ZNF500: variants seen among roughly 807,000 people sequenced by gnomAD.
ZNF500 encodes the protein zinc finger protein with KRAB and SCAN domains 18.
Under a neutral mutation model 30.1 loss-of-function variants are expected in ZNF500, and 31 were observed. That is an observed-to-expected ratio of 1.03 (90% confidence interval 0.77 to 1.39). ZNF500 has a LOEUF of 1.39. Ranked by LOEUF, ZNF500 falls within the 40% of genes most tolerant of loss-of-function variation. The pLI, the probability that ZNF500 is intolerant of heterozygous loss-of-function variation, is 0.00. For synonymous variants in ZNF500, 392 were observed against 282.0 expected, an observed-to-expected ratio of 1.39 and a Z score of -3.91; for missense variants, 817 against 657.8, an observed-to-expected ratio of 1.24 and a Z score of -2.65.
chr16:4,751,057 G>A lies in ZNF500; in HGVS notation c.*1319C>T, dbSNP rs1025623872. On this transcript the variant is annotated 3_prime_UTR_variant, in exon 6 of 6. Transcript: ENST00000219478. ...CAGTGACTAGGTGACAAATGCAATG[G>A]AGCATCCCAGGCTGGGATGAAGGCC... The A allele has an allele frequency of 3.2e-5, 5 of 154,736 alleles. No individual in the cohort carries two copies. The highest frequency in any genetic ancestry group is 1.2e-4 in the African/African-American group (5 of 41,420). The allele number at this position is 154,736 out of a possible 1,614,324, so 9.6% of individuals were successfully genotyped here. A position where few individuals can be genotyped will look rare whatever the true frequency, so the allele number is the denominator to read the frequency against.
rs1191509774 is a variant in ZNF500 at position 4,752,945 on chromosome 16, C to T, written c.874G>A (p.Gly292Ser). ...RCQGPGHPLPGQRPAPVRGLV... is the reference protein window; with the variant it reads ...RCQGPGHPLPSQRPAPVRGLV... ...CCCCTGACTGGGGCTGGCCTCTGAC[C>T]TGGGAGCGGGTGGCCAGGCCCCTGG... The change falls in exon 6 of 6, where the codon GGT (glycine) becomes AGT (serine). Residue 292 changes from glycine to serine, a missense_variant. Transcript: ENST00000219478. 1 of 1,611,596 alleles carries T rather than the reference C, an allele frequency of 6.2e-7. No homozygotes were observed. The highest frequency in any genetic ancestry group is 1.1e-5 in the South Asian group (1 of 91,050).
At chr16:4,753,386 T>C (rs1393263429) in intron 5 of ZNF500, among the ~76,000 whole-genome samples, 1 of 152,136 alleles carries the variant, frequency 6.6e-6, no homozygotes, top group African/African-American at 2.4e-5. Context: ...CACTTGAGTC[T>C]AGGAGGTCAA....
intron 2 of ZNF500, 147 bp downstream of exon 2, chr16:4,765,418 G>A (rs1274435905): frequency 2.6e-6 from 3 of 1,142,602 alleles, no homozygotes; most frequent in Non-Finnish European, 3.7e-6. Flanking sequence ...AGCCAAGGCT[G>A]AGAAATCTTT....
chr16:4,751,217 C>G lies in ZNF500; in HGVS notation c.*1159G>C, dbSNP rs1160718677. The G allele has an allele frequency of 5.2e-6, 1 of 190,956 alleles. No homozygotes were observed. The highest frequency in any genetic ancestry group is 1.2e-4 in the South Asian group (1 of 8,394). 11.8% of individuals were successfully genotyped at this position (190,956 alleles called of 1,614,324 possible). ...TCTATCACACTGCTTGTCTTGGCCA[C>G]TCACCCACCGTGGATGTGCACAGAC... is the stretch of plus-strand genomic sequence containing the variant. On this transcript the variant is annotated 3_prime_UTR_variant, in exon 6 of 6. Coordinates refer to ENST00000219478, the MANE Select transcript of ZNF500 (RefSeq NM_021646.4).
rs148410073 is a variant in ZNF500 at position 4,763,314 on chromosome 16, G to A, written c.415-558C>T. 539 of 267,636 alleles carry A rather than the reference G, an allele frequency of 2.0e-3. 2 individuals carry two copies. Among genetic ancestry groups the A allele is most frequent in the African/African-American group, 0.011 (462 of 43,316 alleles). The allele number at this position is 267,636 out of a possible 1,614,324, so 16.6% of individuals were successfully genotyped here. A position where few individuals can be genotyped will look rare whatever the true frequency, so the allele number is the denominator to read the frequency against. On this transcript the variant is annotated intron_variant, in intron 2 of 5. Coordinates refer to ENST00000219478, the MANE Select transcript of ZNF500 (RefSeq NM_021646.4). ...CTTGGGAGGCTGAGGCAGGAGAATC[G>A]CTTGAACTCGGGAAGTACAGGTTGC...
At chr16:4,760,673 G>A (rs1379947061) in intron 4 of ZNF500, 85 bp from the exon 5 acceptor site, 3 of 1,228,928 alleles carry the variant, frequency 2.4e-6, no homozygotes, top group Non-Finnish European at 3.5e-6. Context: ...GAGCTGCACC[G>A]CCACTGCCCC....
chr16:4,766,012 T>C lies in ZNF500; in HGVS notation c.-34A>G, dbSNP rs772313789. The C allele has an allele frequency of 1.6e-5, 24 of 1,517,800 alleles. No homozygotes were observed. The Admixed American group carries it at 3.1e-4, about 20-fold the overall frequency. The allele number at this position is 1,517,800 out of a possible 1,614,324, so 94.0% of individuals were successfully genotyped here. On this transcript the variant is annotated 5_prime_UTR_variant, in exon 2 of 6. Coordinates refer to ENST00000219478, the MANE Select transcript of ZNF500 (RefSeq NM_021646.4). ...GTGGGCCTTGTTCCTTTTCAGGCCT[T>C]AGAGTTGAACCTGTCTCTCTCTATA... is the stretch of plus-strand genomic sequence containing the variant.
downstream of ZNF500, chr16:4,747,490 G>A: frequency 6.2e-7 from 1 of 1,613,278 alleles, no homozygotes. Flanking sequence ...CTGGGAGGAA[G>A]CAACACATGA....
intron 2 of ZNF500, chr16:4,763,627 C>A: frequency 1.0e-6 from 1 of 985,382 alleles, no homozygotes; most frequent in Non-Finnish European, 1.2e-6. Context: ...GGAGCGTAGT[C>A]CCCTTGGGGA....
intron 5 of ZNF500, among the ~76,000 whole-genome samples, chr16:4,753,657 C>T (rs1419093777): frequency 6.6e-6 from 1 of 152,216 alleles, no homozygotes; most frequent in Non-Finnish European, 1.5e-5. Context: ...TCTGCTGTAT[C>T]CTCTAAGCCA....
downstream of ZNF500, chr16:4,746,487 C>G (rs753256219): frequency 1.2e-6 from 2 of 1,613,712 alleles, no homozygotes; most frequent in Non-Finnish European, 1.7e-6. Flanking sequence ...GCAGATGGAG[C>G]TACCAGACCA....
chr16:4,764,127 G>C (rs958294610), intron 2 of ZNF500: 274 of 982,976 alleles, frequency 2.8e-4, no homozygotes, highest in Non-Finnish European at 3.2e-4. Context: ...AGATTTCGGT[G>C]TGTCAGAAGG....
Position 4,765,611 on chromosome 16 carries a change from A to C in ZNF500, c.368T>G (p.Val123Gly), listed in dbSNP as rs2082256007. The C allele has an allele frequency of 5.6e-6, 9 of 1,612,372 alleles. No individual in the cohort carries two copies. Among genetic ancestry groups the C allele is most frequent in the Non-Finnish European group, 7.6e-6 (9 of 1,179,188 alleles). The change falls in exon 2 of 6, where the codon GTC (valine) becomes GGC (glycine). Residue 123 changes from valine to glycine, a missense_variant. Transcript: ENST00000219478. ...CTTCCGCTGCAGCCCTTCCACAAGG[A>C]CCACGGCCTCCTCACCGCTCTCCGG... is the stretch of plus-strand genomic sequence containing the variant. ...QQPESGEEAV[V>G]LVEGLQRKPR...
rs536090338 is a variant in ZNF500 at position 4,765,986 on chromosome 16, G to T, written c.-8C>A. ...GCCAGGGACAGTGGCCATTGCTTCC[G>T]GTGGGCCTTGTTCCTTTTCAGGCCT... On this transcript the variant is annotated 5_prime_UTR_variant, in exon 2 of 6. Transcript: ENST00000219478. 1.3e-6 allele frequency: 2 copies of T among 1,542,184 alleles called. No homozygotes were observed. The highest frequency in any genetic ancestry group is 1.7e-6 in the Non-Finnish European group (2 of 1,149,540).
At chr16:4,758,978 G>C (rs540297037) in intron 5 of ZNF500, among the ~76,000 whole-genome samples, 1 of 152,318 alleles carries the variant, frequency 6.6e-6, no homozygotes, top group African/African-American at 2.4e-5. Context: ...GGGAGGCTGA[G>C]GCAGGCAGAT....
intron 1 of ZNF500, 146 bp downstream of exon 1, chr16:4,766,871 A>T (rs1400791155): frequency 2.0e-5 from 3 of 152,040 alleles, no homozygotes; most frequent in African/African-American, 4.8e-5. Context: ...GAGAGCTGGG[A>T]CCCCCAGGCC....
At chr16:4,763,823 G>A (rs533772067) in intron 2 of ZNF500, 1 of 985,436 alleles carries the variant, frequency 1.0e-6, no homozygotes, top group African/African-American at 1.7e-5. Context: ...TTTTCTGACT[G>A]CGGTCAGCTC....
At chr16:4,766,927 C>G (rs2082270145) in intron 1 of ZNF500, 90 bp downstream of exon 1, 1 of 152,274 alleles carries the variant, frequency 6.6e-6, no homozygotes, top group South Asian at 2.1e-4. Context: ...TGAGCGGTAC[C>G]CGAGGCCGCG....
At chr16:4,747,928 G>A (rs528384338), downstream of ZNF500, among the ~76,000 whole-genome samples, 2 of 152,234 alleles carry the variant, frequency 1.3e-5, no homozygotes, top group African/African-American at 4.8e-5. Flanking sequence ...TGCTCTCTGC[G>A]GGACTCTGAG....
Sources: gnomAD v4.1 joint callset for allele counts (sites outside exome capture counted in the v4.1 genomes callset) on GRCh38, gnomAD v4.1.1 for gene constraint, MANE v1.5 for transcripts, NCBI Gene and HGNC (gene_info 2026-07-23, HGNC 2026-07-21) for gene names.